SIRPG: variants seen among roughly 807,000 people sequenced by gnomAD.
SIRPG encodes the protein signal regulatory protein gamma, also known as signal-regulatory protein gamma.
SIRPG carries 38 observed loss-of-function variants against 35.7 expected under a neutral mutation model. The observed-to-expected ratio is 1.06, with a 90% CI of 0.82 to 1.40. The LOEUF (loss-of-function observed/expected upper bound fraction) is 1.40, where lower values mean the gene tolerates loss of function less well. Among genes scored for constraint, SIRPG ranks in the 40% most tolerant of loss-of-function variants. The pLI, the probability that SIRPG is intolerant of heterozygous loss-of-function variation, is 0.00. For missense variants in SIRPG, 519 were observed against 483.0 expected, an observed-to-expected ratio of 1.07 and a Z score of -0.70; for synonymous variants, 215 against 190.4, an observed-to-expected ratio of 1.13 and a Z score of -1.06.
At chr20:1,673,840 G>C in the SIRPG span, among the ~76,000 whole-genome samples, 1 of 152,194 alleles carries the variant, frequency 6.6e-6, no homozygotes, top group Admixed American at 6.5e-5. Context: ...GGAGGCTCCT[G>C]GGGCTGAGGA....
intron 2 of SIRPG, among the ~76,000 whole-genome samples, chr20:1,638,695 G>A (rs1368769928): frequency 3.3e-5 from 5 of 152,100 alleles, no homozygotes; most frequent in Admixed American, 1.3e-4. Flanking sequence ...GTGGTTTGCT[G>A]CACTTATCAA....
chr20:1,633,218 TA>T (rs141159554), intron 4 of SIRPG, among the ~76,000 whole-genome samples: 2,021 of 152,038 alleles, frequency 0.013, 52 homozygotes, highest in African/African-American at 0.044. Flanking sequence ...ATAATATGAG[TA>T]ACCCTAAACT....
chr20:1,662,853 C>A, the SIRPG span, among the ~76,000 whole-genome samples: 32,424 of 151,926 alleles, frequency 0.21, 3,861 homozygotes, highest in Admixed American at 0.33. Context: ...AATTGAAATT[C>A]TAGGGTAGGA....
chr20:1,641,872 G>A (rs559355484), intron 2 of SIRPG, among the ~76,000 whole-genome samples: 15 of 152,210 alleles, frequency 9.9e-5, no homozygotes, highest in Non-Finnish European at 1.9e-4. Context: ...TCAGGAGCAG[G>A]CTGTTCAATT....
the SIRPG span, among the ~76,000 whole-genome samples, chr20:1,677,736 G>C: frequency 1.2e-4 from 19 of 152,282 alleles, no homozygotes; most frequent in African/African-American, 4.3e-4. Flanking sequence ...GTATGTAAAG[G>C]TGAAGAATAA....
intron 3 of SIRPG, 22 bp downstream of exon 3, chr20:1,636,166 G>C (rs1395190305): frequency 6.2e-7 from 1 of 1,602,098 alleles, no homozygotes; most frequent in Admixed American, 1.7e-5. Flanking sequence ...GTGGGCTTGG[G>C]CTGGGTGTGA....
chr20:1,681,348 G>C, the SIRPG span, among the ~76,000 whole-genome samples: 2 of 152,198 alleles, frequency 1.3e-5, no homozygotes, highest in African/African-American at 2.4e-5. Context: ...GAGTGCCTGA[G>C]CTCAAATCAT....
chr20:1,654,253 A>AG (rs2091961712), intron 1 of SIRPG, among the ~76,000 whole-genome samples: 1 of 151,234 alleles, frequency 6.6e-6, no homozygotes, highest in Non-Finnish European at 1.5e-5. Flanking sequence ...AAAAAAAAAA[A>AG]GAACAAAGAT....
intron 2 of SIRPG, among the ~76,000 whole-genome samples, chr20:1,639,282 A>G (rs11907179): frequency 0.012 from 1,786 of 152,074 alleles, 44 homozygotes; most frequent in African/African-American, 0.04. Flanking sequence ...ACCAGCATCT[A>G]TTGTTTCCTA....
chr20:1,679,384 T>C, the SIRPG span, among the ~76,000 whole-genome samples: 1 of 152,218 alleles, frequency 6.6e-6, no homozygotes, highest in Non-Finnish European at 1.5e-5. Flanking sequence ...AGCTGGTCCC[T>C]GCCACAATTC....
chr20:1,636,426 G>C lies in SIRPG; in HGVS notation c.510C>G (p.Ser170=). 1 of 1,614,198 alleles carries C rather than the reference G, an allele frequency of 6.2e-7. No homozygotes were observed. The highest frequency in any genetic ancestry group is 8.5e-7 in the Non-Finnish European group (1 of 1,180,034). ...TGATGTCTCTGGGAGAGAAGCCATG[G>C]GACTCACAGGTGAAACTCACTGTAT... is the stretch of plus-strand genomic sequence containing the variant. The part of the protein sequence containing the change: ...PEHTVSFTCE[S]HGFSPRDITL... Residue 170 remains serine, a synonymous_variant, in exon 3 of 6, where the codon TCC becomes TCG. Transcript: ENST00000303415.
intron 1 of SIRPG, among the ~76,000 whole-genome samples, chr20:1,649,686 G>C (rs1568736367): frequency 7.2e-6 from 1 of 139,096 alleles, no homozygotes; most frequent in Admixed American, 7.6e-5. Context: ...GCCCAGGCTG[G>C]AGTGCTGAGG....
chr20:1,643,970 G>A (rs968186379), intron 2 of SIRPG, among the ~76,000 whole-genome samples: 21 of 152,224 alleles, frequency 1.4e-4, no homozygotes, highest in African/African-American at 3.9e-4. Flanking sequence ...AACCTCGAGG[G>A]GCACTGATCT....
At chr20:1,675,233 A>G in the SIRPG span, among the ~76,000 whole-genome samples, 3 of 152,106 alleles carry the variant, frequency 2.0e-5, no homozygotes, top group Non-Finnish European at 2.9e-5. Flanking sequence ...AGGGGTGGGC[A>G]CGTGCTCTGC....
intron 1 of SIRPG, among the ~76,000 whole-genome samples, chr20:1,656,441 G>C (rs1180726823): frequency 2.6e-5 from 4 of 152,184 alleles, no homozygotes; most frequent in Non-Finnish European, 5.9e-5. Context: ...AGCAATTGCT[G>C]AACTATTACT....
At chr20:1,654,588 G>A (rs891979627) in intron 1 of SIRPG, among the ~76,000 whole-genome samples, 1 of 152,090 alleles carries the variant, frequency 6.6e-6, no homozygotes, top group Non-Finnish European at 1.5e-5. Flanking sequence ...AACTGTACAA[G>A]AACTAGAAGA....
the SIRPG span, among the ~76,000 whole-genome samples, chr20:1,677,419 C>G: frequency 6.6e-6 from 1 of 152,284 alleles, no homozygotes; most frequent in East Asian, 1.9e-4. Context: ...GCAAGAACCT[C>G]TATGGATCAC....
intron 1 of SIRPG, among the ~76,000 whole-genome samples, chr20:1,649,626 GTTCTTT>G (rs1285047016): frequency 3.0e-5 from 3 of 101,618 alleles, no homozygotes; most frequent in African/African-American, 1.2e-4. Context: ...GCACAGAGAG[GTTCTTT>G]TTTTTTTTTT....
At chr20:1,636,611 TC>T in intron 2 of SIRPG, 106 bp from the exon 3 acceptor site, 1 of 1,213,774 alleles carries the variant, frequency 8.2e-7, no homozygotes, top group Non-Finnish European at 1.2e-6. Flanking sequence ...TTTTAATCCT[TC>T]TAATAATGTG....
Sources: allele counts gnomAD v4.1 joint callset (sites outside exome capture counted in the v4.1 genomes callset), GRCh38; gene constraint gnomAD v4.1.1; transcripts MANE v1.5; gene names NCBI Gene and HGNC (gene_info 2026-07-23, HGNC 2026-07-21).